The following CDH2 variants were observed in gnomAD, a reference collection of about 807,000 sequenced individuals.
CDH2 encodes the protein cadherin-2.
A neutral mutation model predicts 92.0 loss-of-function variants in CDH2; 17 were observed. The ratio of observed to expected loss-of-function variants is 0.18; its 90% CI spans 0.13 to 0.28. The LOEUF is 0.28. Ranked by LOEUF, CDH2 falls within the 10% of genes least tolerant of loss-of-function variation. The probability of loss-of-function intolerance (pLI) is 1.00; values close to 1 mark genes in which losing one functional copy is unlikely to be tolerated. For missense variants in CDH2, 862 were observed against 1,133.1 expected (o/e 0.76, Z 3.44); for synonymous variants, 419 against 415.9 (o/e 1.01, Z -0.09).
intron 2 of CDH2, among the ~76,000 whole-genome samples, chr18:28,120,954 G>C (rs1379062340): frequency 4.6e-5 from 7 of 152,118 alleles, no homozygotes; most frequent in Non-Finnish European, 4.4e-5. Context: ...TAGGGAATCT[G>C]ACTCTACTCA....
rs116885188 is a variant in CDH2, at chr18:28,040,788, G to A, written c.173-26879C>T. 4.7e-3 allele frequency among the ~76,000 whole-genome samples: 711 copies of A among 152,310 alleles called. 5 individuals carry two copies. The highest frequency in any genetic ancestry group is 0.01 in the Middle Eastern group (3 of 294). On this transcript the variant is annotated intron_variant, in intron 2 of 15. Transcript: ENST00000269141. ...CATCCCAGCTTACTGGAGACTCACA[G>A]TGTAGTGAGAGCACAACAAATACCA...
chr18:28,094,792 TA>T (rs35744873), intron 2 of CDH2, among the ~76,000 whole-genome samples: 27 of 82,380 alleles, frequency 3.3e-4, no homozygotes, highest in South Asian at 1.1e-3. Context: ...AGACTCTGTC[TA>T]AAAAAAAAAA....
intron 2 of CDH2, among the ~76,000 whole-genome samples, chr18:28,018,015 T>C (rs1031899512): frequency 6.6e-6 from 1 of 152,094 alleles, no homozygotes; most frequent in African/African-American, 2.4e-5. Flanking sequence ...TAGAAAACTC[T>C]AACTCATCCC....
At chr18:28,111,852 A>G (rs1599109216) in intron 2 of CDH2, among the ~76,000 whole-genome samples, 1 of 152,332 alleles carries the variant, frequency 6.6e-6, no homozygotes, top group Admixed American at 6.5e-5. Context: ...GAACTGAATA[A>G]GAATAAATAA....
At chr18:28,131,683 G>GTTGTGTGT (rs374374605) in intron 2 of CDH2, among the ~76,000 whole-genome samples, 35,307 of 150,212 alleles carry the variant, frequency 0.24, 4,389 homozygotes, top group East Asian at 0.38. Flanking sequence ...AAGCATTTGT[G>GTTGTGTGT]GTGTGTGTGT....
chr18:27,957,813 C>A (rs2011290314), intron 15 of CDH2, among the ~76,000 whole-genome samples: 1 of 152,180 alleles, frequency 6.6e-6, no homozygotes, highest in Non-Finnish European at 1.5e-5. Context: ...ACTTACATTA[C>A]AGTAGAACTG....
intron 7 of CDH2, among the ~76,000 whole-genome samples, chr18:28,001,698 T>C (rs1442411404): frequency 6.6e-6 from 1 of 152,202 alleles, no homozygotes; most frequent in Non-Finnish European, 1.5e-5. Context: ...AGTCAATAGG[T>C]ACAATGTCAT....
intron 1 of CDH2, among the ~76,000 whole-genome samples, chr18:28,166,149 C>CATATATATACATAT (rs1555648242): frequency 2.2e-4 from 13 of 59,246 alleles, no homozygotes; most frequent in Non-Finnish European, 2.7e-4. Context: ...CAGACACACT[C>CATATATATACATAT]ATATATATAT....
intron 2 of CDH2, among the ~76,000 whole-genome samples, chr18:28,064,206 A>G (rs1001015215): frequency 2.0e-4 from 30 of 152,176 alleles, no homozygotes; most frequent in African/African-American, 6.7e-4. Flanking sequence ...ATCTCTAAAC[A>G]TGGTATCTGT....
chr18:27,947,718 AGTAT>A (rs1567930923), downstream of CDH2, among the ~76,000 whole-genome samples: 8 of 79,346 alleles, frequency 1.0e-4, no homozygotes, highest in Non-Finnish European at 2.8e-4. Flanking sequence ...ATGTGATATA[AGTAT>A]GTGATGTAAG....
chr18:28,103,244 A>G (rs1567999352), intron 2 of CDH2, among the ~76,000 whole-genome samples: 1 of 143,496 alleles, frequency 7.0e-6, no homozygotes, highest in Non-Finnish European at 1.5e-5. Context: ...ATATATATAT[A>G]AAGTATATAT....
chr18:28,154,141 A>G (rs937696394), intron 1 of CDH2, among the ~76,000 whole-genome samples: 2 of 152,248 alleles, frequency 1.3e-5, no homozygotes, highest in African/African-American at 2.4e-5. Context: ...CCAATAGCTT[A>G]GCAACAACAA....
intron 2 of CDH2, among the ~76,000 whole-genome samples, chr18:28,039,985 C>T (rs1367413656): frequency 6.6e-6 from 1 of 152,202 alleles, no homozygotes; most frequent in Non-Finnish European, 1.5e-5. Flanking sequence ...ATGCCAAAAT[C>T]AGAAGCACAT....
intron 7 of CDH2, among the ~76,000 whole-genome samples, chr18:27,998,197 CT>C (rs2012649835): frequency 2.0e-5 from 3 of 152,154 alleles, no homozygotes; most frequent in African/African-American, 7.2e-5. Flanking sequence ...TGTGGTCTTT[CT>C]TTTGTATACA....
chr18:28,172,412 GTTGT>G (rs2016478797), intron 1 of CDH2, among the ~76,000 whole-genome samples: 1 of 151,970 alleles, frequency 6.6e-6, no homozygotes, highest in Non-Finnish European at 1.5e-5. Flanking sequence ...CATGGATAAG[GTTGT>G]TTAATTAAAA....
intron 2 of CDH2, among the ~76,000 whole-genome samples, chr18:28,120,839 T>G (rs1201098434): frequency 6.6e-6 from 1 of 152,148 alleles, no homozygotes; most frequent in East Asian, 1.9e-4. Flanking sequence ...TTAAGTTGTT[T>G]GTTGTTGTTT....
At chr18:28,171,546 T>G (rs556274829) in intron 1 of CDH2, among the ~76,000 whole-genome samples, 9 of 152,210 alleles carry the variant, frequency 5.9e-5, no homozygotes, top group African/African-American at 2.2e-4. Context: ...ATGAAGAAAA[T>G]TTTAAGTTTA....
intron 2 of CDH2, among the ~76,000 whole-genome samples, chr18:28,115,345 C>T (rs376281390): frequency 6.6e-6 from 1 of 152,278 alleles, no homozygotes; most frequent in East Asian, 1.9e-4. Flanking sequence ...CCCCTGTTCT[C>T]CAGACCCTCC....
At chr18:27,972,434 T>C (rs2011689113) in intron 14 of CDH2, among the ~76,000 whole-genome samples, 1 of 152,026 alleles carries the variant, frequency 6.6e-6, no homozygotes, top group African/African-American at 2.4e-5. Flanking sequence ...AACTCTCGAG[T>C]CACATAGACC....
Sources: gnomAD v4.1 joint callset for allele counts (sites outside exome capture counted in the v4.1 genomes callset) on GRCh38, gnomAD v4.1.1 for gene constraint, MANE v1.5 for transcripts, NCBI Gene and HGNC (gene_info 2026-07-23, HGNC 2026-07-21) for gene names.